The following KIF6 variants were observed in gnomAD, a reference collection of about 807,000 sequenced individuals.
KIF6 encodes kinesin-like protein KIF6.
A neutral mutation model predicts 112.7 loss-of-function variants in KIF6; 106 were observed. That is an observed-to-expected ratio of 0.94 (90% CI 0.80 to 1.11). KIF6 has a LOEUF of 1.11. Among genes scored for constraint, KIF6 ranks in the 50% least tolerant of loss-of-function variants. The pLI is 0.00. For missense variants in KIF6, 929 were observed against 964.0 expected (o/e 0.96, Z 0.48); for synonymous variants, 339 against 339.9 (o/e 1.00, Z 0.03).
chr6:39,578,722 G>A (rs1188877337), intron 9 of KIF6, among the ~76,000 whole-genome samples: 1 of 152,006 alleles, frequency 6.6e-6, no homozygotes, highest in Non-Finnish European at 1.5e-5. Context: ...GGTGATCACT[G>A]TACTGCATTT....
intron 9 of KIF6, chr6:39,583,370 C>A (rs758401116): frequency 1.1e-5 from 5 of 470,872 alleles, no homozygotes; most frequent in Non-Finnish European, 2.2e-5. Context: ...CTCTCTCCAG[C>A]AGGAACACTG....
intron 13 of KIF6, among the ~76,000 whole-genome samples, chr6:39,460,536 T>TAAAAAAAAAAGA: frequency 1.8e-5 from 1 of 57,078 alleles, no homozygotes; most frequent in Non-Finnish European, 3.2e-5. Flanking sequence ...AAAAAAAAAG[T>TAAAAAAAAAAGA]AAAAAAAAAA....
chr6:39,721,842 T>C (rs559787343), intron 1 of KIF6, among the ~76,000 whole-genome samples: 1 of 151,896 alleles, frequency 6.6e-6, no homozygotes, highest in South Asian at 2.1e-4. Flanking sequence ...TTCTTGTCTT[T>C]TACCATGAAA....
chr6:39,411,094 T>A (rs1769443203), intron 15 of KIF6, among the ~76,000 whole-genome samples: 1 of 152,196 alleles, frequency 6.6e-6, no homozygotes, highest in Non-Finnish European at 1.5e-5. Context: ...GATAAGTAGC[T>A]CATTAGCCTT....
chr6:39,538,963 A>C (rs1778617357), intron 13 of KIF6, among the ~76,000 whole-genome samples: 1 of 150,754 alleles, frequency 6.6e-6, no homozygotes, highest in African/African-American at 2.4e-5. Context: ...AAACTATCGC[A>C]AGGACAAAAA....
chr6:39,723,250 A>C (rs1790331800), intron 1 of KIF6, among the ~76,000 whole-genome samples: 1 of 152,226 alleles, frequency 6.6e-6, no homozygotes, highest in Admixed American at 6.5e-5. Flanking sequence ...GCAAATGCTT[A>C]ATCATGAGAT....
At chr6:39,477,172 C>CTAA (rs34899965) in intron 13 of KIF6, among the ~76,000 whole-genome samples, 3,383 of 152,130 alleles carry the variant, frequency 0.022, 68 homozygotes, top group Non-Finnish European at 0.029. Context: ...AAGATTTCAC[C>CTAA]TAATAGAGCA....
chr6:39,426,522 G>C (rs1011554097), intron 14 of KIF6, among the ~76,000 whole-genome samples: 2 of 152,176 alleles, frequency 1.3e-5, no homozygotes, highest in Non-Finnish European at 2.9e-5. Flanking sequence ...GGCCCAGGGA[G>C]GGGGGAGGAT....
At chr6:39,498,539 T>C (rs1775920187) in intron 13 of KIF6, among the ~76,000 whole-genome samples, 1 of 152,212 alleles carries the variant, frequency 6.6e-6, no homozygotes, top group East Asian at 1.9e-4. Flanking sequence ...AGATTTTTTT[T>C]CCTTTGTGGG....
At chr6:39,524,797 C>A (rs577643578) in intron 13 of KIF6, among the ~76,000 whole-genome samples, 1 of 152,202 alleles carries the variant, frequency 6.6e-6, no homozygotes, top group Non-Finnish European at 1.5e-5. Context: ...CCTCTCACTT[C>A]CACAGGTGTT....
At chr6:39,568,795 C>A (rs1165059784) in intron 10 of KIF6, among the ~76,000 whole-genome samples, 1 of 152,164 alleles carries the variant, frequency 6.6e-6, no homozygotes, top group African/African-American at 2.4e-5. Flanking sequence ...AGGTGATCCA[C>A]CTGCGTCAGC....
intron 15 of KIF6, among the ~76,000 whole-genome samples, chr6:39,393,617 T>G (rs1352477757): frequency 6.6e-6 from 1 of 152,118 alleles, no homozygotes. Flanking sequence ...AACCTCTGTG[T>G]GTATGTGTAT....
intron 5 of KIF6, among the ~76,000 whole-genome samples, chr6:39,627,461 G>A (rs1230105364): frequency 2.6e-5 from 4 of 152,156 alleles, no homozygotes; most frequent in African/African-American, 9.6e-5. Flanking sequence ...ACAATGGCTG[G>A]AACAAAGTTG....
intron 3 of KIF6, among the ~76,000 whole-genome samples, chr6:39,656,625 C>T (rs1163827498): frequency 6.6e-6 from 1 of 152,164 alleles, no homozygotes; most frequent in African/African-American, 2.4e-5. Flanking sequence ...CAAAAGATTT[C>T]CCACACATTC....
intron 21 of KIF6, among the ~76,000 whole-genome samples, chr6:39,344,519 C>T (rs989464218): frequency 6.6e-6 from 1 of 152,132 alleles, no homozygotes; most frequent in Non-Finnish European, 1.5e-5. Flanking sequence ...TTGCATTTAC[C>T]AAGCCACTTC....
intron 3 of KIF6, among the ~76,000 whole-genome samples, chr6:39,674,711 T>C (rs1481948242): frequency 6.6e-6 from 1 of 151,626 alleles, no homozygotes; most frequent in Non-Finnish European, 1.5e-5. Flanking sequence ...TGTACATGAA[T>C]GGCTCCTGTT....
chr6:39,486,016 C>G (rs1292032154), intron 13 of KIF6, among the ~76,000 whole-genome samples: 2 of 152,172 alleles, frequency 1.3e-5, no homozygotes, highest in South Asian at 2.1e-4. Flanking sequence ...TTCAGACAGT[C>G]AGCCTCCAGA....
chr6:39,600,776 G>A (rs1582241044), intron 6 of KIF6, among the ~76,000 whole-genome samples: 1 of 152,246 alleles, frequency 6.6e-6, no homozygotes, highest in East Asian at 1.9e-4. Flanking sequence ...AGGCTCTGTA[G>A]TGTAATAAAA....
At chr6:39,518,715 C>T (rs542841695) in intron 13 of KIF6, among the ~76,000 whole-genome samples, 153 of 152,312 alleles carry the variant, frequency 1.0e-3, no homozygotes, top group Admixed American at 2.5e-3. Context: ...GGTGAGATAA[C>T]TGTTCCATGG....
Sources: allele counts gnomAD v4.1 joint callset (sites outside exome capture counted in the v4.1 genomes callset), GRCh38; gene constraint gnomAD v4.1.1; transcripts MANE v1.5; gene names NCBI Gene and HGNC (gene_info 2026-07-23, HGNC 2026-07-21).